The following EBF1 variants were observed in gnomAD, a reference collection of about 807,000 sequenced individuals.
The protein encoded by EBF1 is transcription factor COE1.
EBF1 carries 10 observed loss-of-function variants against 68.4 expected under a neutral mutation model. That is an observed-to-expected ratio of 0.15 (90% CI 0.09 to 0.25). The LOEUF (loss-of-function observed/expected upper bound fraction) is 0.25, where lower values mean the gene tolerates loss of function less well. Ranked by LOEUF, EBF1 falls within the 10% of genes least tolerant of loss-of-function variation. The probability of loss-of-function intolerance (pLI) is 1.00; values close to 1 mark genes in which losing one functional copy is unlikely to be tolerated. For synonymous variants in EBF1, 298 were observed against 299.8 expected (o/e 0.99, Z 0.06); for missense variants, 509 against 794.4 (o/e 0.64, Z 4.32).
At chr5:158,836,561 TAG>T (rs1441855273) in intron 7 of EBF1, among the ~76,000 whole-genome samples, 15 of 152,220 alleles carry the variant, frequency 9.9e-5, no homozygotes, top group Admixed American at 9.8e-4. Flanking sequence ...AAGGTTGGGT[TAG>T]AGAGATTTGA....
chr5:159,054,789 A>T (rs575897129), intron 6 of EBF1, among the ~76,000 whole-genome samples: 6 of 152,358 alleles, frequency 3.9e-5, no homozygotes, highest in African/African-American at 1.4e-4. Flanking sequence ...TCTCAACCAG[A>T]TTAAGAGACA....
intron 6 of EBF1, among the ~76,000 whole-genome samples, chr5:159,050,737 G>A (rs1773436075): frequency 6.6e-6 from 1 of 152,230 alleles, no homozygotes; most frequent in African/African-American, 2.4e-5. Flanking sequence ...GTTCAGCCAG[G>A]AGCCCTCCTT....
At chr5:158,780,098 A>G (rs1160043195) in intron 9 of EBF1, among the ~76,000 whole-genome samples, 1 of 152,190 alleles carries the variant, frequency 6.6e-6, no homozygotes, top group Non-Finnish European at 1.5e-5. Flanking sequence ...CATTTTAGCT[A>G]ACTTTGATCA....
chr5:158,835,318 A>C (rs1788515496), intron 7 of EBF1, among the ~76,000 whole-genome samples: 1 of 152,194 alleles, frequency 6.6e-6, no homozygotes, highest in South Asian at 2.1e-4. Flanking sequence ...GCCTTGGAGA[A>C]TTGACCAAAC....
intron 6 of EBF1, among the ~76,000 whole-genome samples, chr5:158,843,102 G>A (rs1048276854): frequency 6.6e-6 from 1 of 152,160 alleles, no homozygotes; most frequent in African/African-American, 2.4e-5. Context: ...ACAGCAACAT[G>A]AACATTATGG....
intron 6 of EBF1, among the ~76,000 whole-genome samples, chr5:158,869,297 G>A (rs551353088): frequency 1.3e-5 from 2 of 152,122 alleles, no homozygotes; most frequent in African/African-American, 2.4e-5. Context: ...CCTGGGAATA[G>A]AACAATTTGC....
intron 6 of EBF1, among the ~76,000 whole-genome samples, chr5:158,954,026 GT>G (rs1313596566): frequency 7.2e-5 from 11 of 152,192 alleles, no homozygotes; most frequent in Non-Finnish European, 1.6e-4. Flanking sequence ...ACACAATGTT[GT>G]TAAACCTTTT....
chr5:158,773,422 A>G (rs1774304722), intron 10 of EBF1, among the ~76,000 whole-genome samples: 1 of 152,158 alleles, frequency 6.6e-6, no homozygotes, highest in Non-Finnish European at 1.5e-5. Flanking sequence ...AAATTGGGTG[A>G]AAAATGTTTG....
intron 15 of EBF1, among the ~76,000 whole-genome samples, chr5:158,702,743 C>CAAAAAAA (rs58496050): frequency 3.4e-4 from 14 of 41,616 alleles, no homozygotes; most frequent in South Asian, 1.7e-3. Context: ...GACTCCTTCT[C>CAAAAAAA]AAAAAAAAAA....
intron 14 of EBF1, among the ~76,000 whole-genome samples, chr5:158,711,401 A>T (rs1561703061): frequency 6.6e-6 from 1 of 152,162 alleles, no homozygotes; most frequent in Non-Finnish European, 1.5e-5. Context: ...TGATTATTAG[A>T]TTTACTAAAT....
At chr5:158,715,758 T>C (rs1301439538) in intron 11 of EBF1, among the ~76,000 whole-genome samples, 3 of 152,216 alleles carry the variant, frequency 2.0e-5, no homozygotes, top group Non-Finnish European at 4.4e-5. Context: ...AATTTACTAT[T>C]GTACGGGCAC....
At chr5:159,010,746 G>GGAAAC (rs1468275445) in intron 6 of EBF1, among the ~76,000 whole-genome samples, 4 of 152,178 alleles carry the variant, frequency 2.6e-5, no homozygotes, top group Non-Finnish European at 5.9e-5. Context: ...TCCAAAGGAG[G>GGAAAC]GCAGGGAAAC....
intron 12 of EBF1, 60 bp downstream of exon 12, chr5:158,714,057 A>C: frequency 1.3e-6 from 2 of 1,552,012 alleles, no homozygotes; most frequent in Admixed American, 3.3e-5. Flanking sequence ...TACGATGAGG[A>C]ATCTGAGATC....
intron 11 of EBF1, among the ~76,000 whole-genome samples, chr5:158,716,898 T>C (rs1760848444): frequency 6.6e-6 from 1 of 152,190 alleles, no homozygotes; most frequent in African/African-American, 2.4e-5. Context: ...GGTGCTAAAT[T>C]TACTCAATAA....
chr5:159,005,324 T>C (rs1218656171), intron 6 of EBF1, among the ~76,000 whole-genome samples: 1 of 152,188 alleles, frequency 6.6e-6, no homozygotes, highest in Non-Finnish European at 1.5e-5. Context: ...CCCCTAAATA[T>C]TGTCAGTAAG....
chr5:159,069,266 T>G (rs1164561109), intron 6 of EBF1, among the ~76,000 whole-genome samples: 1 of 151,648 alleles, frequency 6.6e-6, no homozygotes, highest in Non-Finnish European at 1.5e-5. Flanking sequence ...CAAGGAATGA[T>G]GCTCACATTG....
chr5:158,719,049 C>T (rs1761369047), intron 11 of EBF1, among the ~76,000 whole-genome samples: 1 of 152,082 alleles, frequency 6.6e-6, no homozygotes, highest in South Asian at 2.1e-4. Context: ...AAAGTACACA[C>T]TTAATTTGTA....
At chr5:159,056,440 C>T (rs971292955) in intron 6 of EBF1, among the ~76,000 whole-genome samples, 3 of 152,148 alleles carry the variant, frequency 2.0e-5, no homozygotes, top group Non-Finnish European at 4.4e-5. Flanking sequence ...GCTTACCAGG[C>T]GAATGAATGC....
At chr5:158,795,007 C>T (rs185314858) in intron 9 of EBF1, among the ~76,000 whole-genome samples, 121 of 152,208 alleles carry the variant, frequency 7.9e-4, no homozygotes, top group Admixed American at 8.5e-4. Context: ...AAATGCATAC[C>T]CCTTGTTTGC....
Sources: allele counts gnomAD v4.1 joint callset (sites outside exome capture counted in the v4.1 genomes callset), GRCh38; gene constraint gnomAD v4.1.1; transcripts MANE v1.5; gene names NCBI Gene and HGNC (gene_info 2026-07-23, HGNC 2026-07-21).